The following PGAP1 variants were observed in gnomAD, a reference collection of about 807,000 sequenced individuals.
PGAP1 encodes post-GPI attachment to proteins inositol deacylase 1, also known as GPI inositol-deacylase.
In PGAP1, 76 loss-of-function variants were observed where a neutral mutation model predicts 127.0. The ratio of observed to expected loss-of-function variants is 0.60; its 90% confidence interval spans 0.50 to 0.72. The LOEUF is 0.72. PGAP1 is among the 30% of genes least tolerant of loss of function. The pLI, the probability that PGAP1 is intolerant of heterozygous loss-of-function variation, is 0.00. For synonymous variants in PGAP1, 362 were observed against 366.5 expected, an observed-to-expected ratio of 0.99 and a Z score of 0.14; for missense variants, 982 against 1,071.3, an observed-to-expected ratio of 0.92 and a Z score of 1.16.
chr2:196,847,068 G>A lies in PGAP1; in HGVS notation c.2085C>T (p.Tyr695=). Residue 695 remains tyrosine (Y), a synonymous_variant, in exon 22 of 27, where the codon TAC becomes TAT. Coordinates refer to ENST00000354764, the MANE Select transcript of PGAP1 (RefSeq NM_024989.4). ...ILFLFGTCTA[Y]WSGLLSSASV... is the part of the protein sequence containing the mutation. ...ATGCAGAAGACAGTAGGCCACTCCA[G>A]TAGGCAGTACACGTTCCAAACAGAA... is the stretch of plus-strand genomic sequence containing the variant. 1 of 1,613,838 alleles carries A rather than the reference G, an allele frequency of 6.2e-7. No homozygotes were observed. The highest frequency in any genetic ancestry group is 8.5e-7 in the Non-Finnish European group (1 of 1,179,834).
intron 17 of PGAP1, 107 bp from the exon 18 acceptor site, chr2:196,872,656 G>A (rs543779760): frequency 1.3e-6 from 1 of 750,026 alleles, no homozygotes; most frequent in African/African-American, 1.8e-5. Context: ...GAGGAAGCTA[G>A]GTGCCAGACA....
chr2:196,898,113 A>T (rs1179736599), intron 6 of PGAP1, among the ~76,000 whole-genome samples: 2 of 152,078 alleles, frequency 1.3e-5, no homozygotes, highest in Admixed American at 1.3e-4. Flanking sequence ...GCTGCTTGGG[A>T]GGCTGAGGCA....
At chr2:196,895,119 C>T (rs1334050590) in intron 7 of PGAP1, among the ~76,000 whole-genome samples, 1 of 152,116 alleles carries the variant, frequency 6.6e-6, no homozygotes, top group Non-Finnish European at 1.5e-5. Context: ...TAAAACAAAA[C>T]TCAGTTTCAT....
intron 12 of PGAP1, 58 bp downstream of exon 12, chr2:196,885,366 T>C: frequency 2.6e-6 from 3 of 1,134,298 alleles, no homozygotes; most frequent in Non-Finnish European, 3.9e-6. Context: ...TTTTAAAATG[T>C]GTATAGACTC....
chr2:196,864,635 G>A (rs1701180321), intron 20 of PGAP1, among the ~76,000 whole-genome samples: 1 of 152,024 alleles, frequency 6.6e-6, no homozygotes, highest in Non-Finnish European at 1.5e-5. Flanking sequence ...GACAAGCTAA[G>A]AGAATGTTAA....
intron 5 of PGAP1, among the ~76,000 whole-genome samples, chr2:196,898,614 A>G (rs1449494592): frequency 6.6e-6 from 1 of 152,204 alleles, no homozygotes; most frequent in Non-Finnish European, 1.5e-5. Flanking sequence ...AGTTTAAATT[A>G]CCATTTAAAA....
chr2:196,897,015 G>A lies in PGAP1; in HGVS notation c.927+116C>T, dbSNP rs1576171708. The A allele has an allele frequency of 1.2e-5, 7 of 582,606 alleles. No individual in the cohort carries two copies. In the East Asian group the frequency reaches 2.3e-4, roughly 19 times the overall value. The allele number at this position is 582,606 out of a possible 1,614,324, so 36.1% of individuals were successfully genotyped here. ...TGGAACTAATTAAAATTGATATAAG[G>A]TATATGCTTCTATTTTCATCAAAGT... On this transcript the variant is annotated intron_variant, in intron 7 of 26. Coordinates refer to ENST00000354764, the MANE Select transcript of PGAP1 (RefSeq NM_024989.4).
chr2:196,851,363 C>T (rs567006990), intron 20 of PGAP1, among the ~76,000 whole-genome samples: 7 of 152,222 alleles, frequency 4.6e-5, no homozygotes, highest in African/African-American at 1.7e-4. Context: ...ACTACTTGTC[C>T]AACCTCGGGC....
intron 19 of PGAP1, among the ~76,000 whole-genome samples, chr2:196,868,385 G>C (rs1701309283): frequency 1.3e-5 from 2 of 151,646 alleles, no homozygotes; most frequent in Admixed American, 1.3e-4. Context: ...ATGTTATACT[G>C]GGCTACAGAT....
chr2:196,922,514 C>G, intron 1 of PGAP1: 2 of 980,690 alleles, frequency 2.0e-6, no homozygotes, highest in Non-Finnish European at 2.4e-6. Flanking sequence ...AGACTTGTCT[C>G]TATCCTTGCC....
Position 196,891,210 on chromosome 2 carries a change from C to T in PGAP1, c.1090-299G>A, listed in dbSNP as rs569378317. Among the ~76,000 whole-genome samples the T allele has an allele frequency of 2.8e-4, 42 of 152,162 alleles. No homozygotes were observed. In the East Asian group the frequency reaches 7.1e-3, roughly 26 times the overall value. ...GATTTTATGCAGTTCTTAGCTCTGGCCATTGAAAAGGCCTAGAAATGCCAA... is the reference window on the plus strand; with the variant it reads ...GATTTTATGCAGTTCTTAGCTCTGGTCATTGAAAAGGCCTAGAAATGCCAA... On this transcript the variant is annotated intron_variant, in intron 9 of 26. Transcript: ENST00000354764.
chr2:196,887,357 C>G (rs577178330), intron 10 of PGAP1, among the ~76,000 whole-genome samples: 1 of 152,174 alleles, frequency 6.6e-6, no homozygotes, highest in South Asian at 2.1e-4. Context: ...GCACTCCAGC[C>G]TGGGCGACAG....
At chr2:196,862,348 G>C (rs550260342) in intron 20 of PGAP1, among the ~76,000 whole-genome samples, 1 of 152,186 alleles carries the variant, frequency 6.6e-6, no homozygotes, top group African/African-American at 2.4e-5. Flanking sequence ...GATCAGACCA[G>C]TTGCTCTCAA....
At chr2:196,851,780 T>G (rs1188316663) in intron 20 of PGAP1, among the ~76,000 whole-genome samples, 1 of 152,140 alleles carries the variant, frequency 6.6e-6, no homozygotes, top group Non-Finnish European at 1.5e-5. Context: ...TTATTCTGGA[T>G]CTGGTAAATA....
intron 4 of PGAP1, among the ~76,000 whole-genome samples, chr2:196,912,609 T>TAAAAAAAAAA (rs1702866782): frequency 1.1e-5 from 1 of 92,298 alleles, no homozygotes. Flanking sequence ...AAAAAAAAAC[T>TAAAAAAAAAA]AAACGGAAGC....
chr2:196,846,064 A>T, intron 22 of PGAP1, 47 bp from the exon 23 acceptor site: 1 of 1,160,770 alleles, frequency 8.6e-7, no homozygotes, highest in Non-Finnish European at 1.2e-6. Flanking sequence ...ACAAATATTT[A>T]TATAGTCACA....
intron 1 of PGAP1, among the ~76,000 whole-genome samples, chr2:196,920,724 C>T (rs747584600): frequency 1.3e-5 from 2 of 152,088 alleles, no homozygotes; most frequent in Non-Finnish European, 2.9e-5. Flanking sequence ...ATAGCCATGT[C>T]TTGGTCAAGA....
intron 20 of PGAP1, among the ~76,000 whole-genome samples, chr2:196,849,063 G>C (rs1183438032): frequency 1.3e-5 from 2 of 151,918 alleles, no homozygotes; most frequent in African/African-American, 4.8e-5. Context: ...ATATTTAATT[G>C]GCTGGATACA....
intron 19 of PGAP1, among the ~76,000 whole-genome samples, chr2:196,869,856 TTG>T (rs1236920979): frequency 6.6e-6 from 1 of 152,206 alleles, no homozygotes; most frequent in East Asian, 1.9e-4. Flanking sequence ...TAATTTTGCC[TTG>T]TGAGTTTTAT....
Sources: allele counts gnomAD v4.1 joint callset (sites outside exome capture counted in the v4.1 genomes callset), GRCh38; gene constraint gnomAD v4.1.1; transcripts MANE v1.5; gene names NCBI Gene and HGNC (gene_info 2026-07-23, HGNC 2026-07-21).